ACCSL: variants seen among roughly 807,000 people sequenced by gnomAD.
The protein encoded by ACCSL is 1-aminocyclopropane-1-carboxylate synthase homolog (inactive) like.
A neutral mutation model predicts 61.7 loss-of-function variants in ACCSL; 55 were observed. The observed-to-expected ratio is 0.89, with a 90% CI of 0.72 to 1.12. The LOEUF is 1.12. ACCSL is among the 50% of genes most tolerant of loss of function. The pLI is 0.00. For missense variants in ACCSL, 632 were observed against 698.0 expected (o/e 0.91, Z 1.07); for synonymous variants, 258 against 264.3 (o/e 0.98, Z 0.23).
chr11:43,967,796 C>T, the ACCSL span, among the ~76,000 whole-genome samples: 1 of 152,172 alleles, frequency 6.6e-6, no homozygotes, highest in Non-Finnish European at 1.5e-5. Flanking sequence ...TCATGCCCAG[C>T]TATTGGTAGA....
the ACCSL span, among the ~76,000 whole-genome samples, chr11:43,974,661 C>T: frequency 3.9e-5 from 6 of 152,172 alleles, no homozygotes; most frequent in Admixed American, 6.5e-5. Flanking sequence ...AGTCTGTTCT[C>T]ACAGTGTGCA....
At chr11:43,953,697 C>G in the ACCSL span, among the ~76,000 whole-genome samples, 1 of 152,018 alleles carries the variant, frequency 6.6e-6, no homozygotes, top group East Asian at 1.9e-4. Flanking sequence ...ATGCCATGGC[C>G]ATGTCAGGAA....
At chr11:44,058,291 A>G (rs758799766) in intron 11 of ACCSL, 26 bp from the exon 12 acceptor site, 1 of 1,613,264 alleles carries the variant, frequency 6.2e-7, no homozygotes, top group South Asian at 1.1e-5. Context: ...AATATCTGTG[A>G]CAGTGTTTTT....
At chr11:43,993,267 G>T in the ACCSL span, among the ~76,000 whole-genome samples, 1 of 152,162 alleles carries the variant, frequency 6.6e-6, no homozygotes, top group Non-Finnish European at 1.5e-5. Context: ...CAGGGCAGGG[G>T]CAGGGGTAAC....
chr11:43,934,450 T>G, the ACCSL span, among the ~76,000 whole-genome samples: 1,024 of 152,222 alleles, frequency 6.7e-3, 10 homozygotes, highest in Middle Eastern at 0.024. Flanking sequence ...TTATGCCACA[T>G]TCACATTTGC....
the ACCSL span, among the ~76,000 whole-genome samples, chr11:43,997,670 G>T: frequency 2.6e-5 from 4 of 152,190 alleles, no homozygotes; most frequent in African/African-American, 9.7e-5. Flanking sequence ...TGAGATACAG[G>T]TTTCCTTTTG....
chr11:43,936,887 C>A, the ACCSL span, among the ~76,000 whole-genome samples: 12 of 152,202 alleles, frequency 7.9e-5, no homozygotes, highest in East Asian at 3.9e-4. Flanking sequence ...CCCACCCCCC[C>A]CTCCTGCCCT....
At chr11:44,019,982 C>G in the ACCSL span, among the ~76,000 whole-genome samples, 7 of 152,192 alleles carry the variant, frequency 4.6e-5, no homozygotes, top group African/African-American at 1.7e-4. Flanking sequence ...ATCCACTTGT[C>G]TCAGCATTAT....
intron 7 of ACCSL, 52 bp downstream of exon 7, chr11:44,053,120 T>A: frequency 5.9e-6 from 9 of 1,515,280 alleles, no homozygotes; most frequent in Admixed American, 1.7e-5. Context: ...CTAAAAGGGG[T>A]TTGAGTATTG....
the ACCSL span, among the ~76,000 whole-genome samples, chr11:43,978,814 T>A: frequency 0.017 from 1,479 of 88,852 alleles, 29 homozygotes; most frequent in African/African-American, 0.065. Flanking sequence ...TTTTTTTTTT[T>A]ACCAATAAAA....
intron 3 of ACCSL, among the ~76,000 whole-genome samples, chr11:44,051,111 G>A (rs1024823263): frequency 1.3e-5 from 2 of 152,210 alleles, no homozygotes; most frequent in Non-Finnish European, 2.9e-5. Flanking sequence ...AAAGTGCTGG[G>A]ATTACAGGCA....
chr11:43,974,984 G>A, the ACCSL span, among the ~76,000 whole-genome samples: 1 of 152,170 alleles, frequency 6.6e-6, no homozygotes, highest in African/African-American at 2.4e-5. Context: ...TTGCTATGCA[G>A]CAATAAAGGA....
At chr11:44,034,558 CAAGAGAGA>C in the ACCSL span, among the ~76,000 whole-genome samples, 1 of 43,924 alleles carries the variant, frequency 2.3e-5, no homozygotes, top group African/African-American at 1.1e-4. Context: ...TGGTGGCAAG[CAAGAGAGA>C]GAGAGAGAGA....
chr11:43,950,631 C>G, the ACCSL span, among the ~76,000 whole-genome samples: 5 of 152,214 alleles, frequency 3.3e-5, no homozygotes, highest in African/African-American at 1.2e-4. Flanking sequence ...TATTCTCTTT[C>G]TCCTTCCCAC....
chr11:44,058,227 A>C, intron 11 of ACCSL, 90 bp from the exon 12 acceptor site: 1 of 1,421,068 alleles, frequency 7.0e-7, no homozygotes, highest in African/African-American at 1.4e-5. Context: ...ACAAACTTGC[A>C]TGAAGCCCAG....
the ACCSL span, among the ~76,000 whole-genome samples, chr11:43,935,220 A>G: frequency 6.6e-6 from 1 of 152,288 alleles, no homozygotes; most frequent in Non-Finnish European, 1.5e-5. Flanking sequence ...ATTGGAAGCA[A>G]TGGTTCAAGG....
the ACCSL span, among the ~76,000 whole-genome samples, chr11:43,969,225 G>T: frequency 1.3e-5 from 2 of 151,968 alleles, no homozygotes; most frequent in Non-Finnish European, 1.5e-5. Flanking sequence ...GCCTGGCATG[G>T]TGGCAGGCGC....
the ACCSL span, among the ~76,000 whole-genome samples, chr11:43,952,568 T>C: frequency 2.0e-5 from 3 of 152,200 alleles, no homozygotes; most frequent in Non-Finnish European, 4.4e-5. Flanking sequence ...TCCTGTTCTG[T>C]TCCATTCTGA....
At chr11:44,002,903 TG>T in the ACCSL span, among the ~76,000 whole-genome samples, 5 of 152,086 alleles carry the variant, frequency 3.3e-5, 1 homozygote, top group African/African-American at 1.2e-4. Context: ...TGTCCAGGGC[TG>T]GAGGGGTCTG....
Sources: allele counts gnomAD v4.1 joint callset (sites outside exome capture counted in the v4.1 genomes callset), GRCh38; gene constraint gnomAD v4.1.1; transcripts MANE v1.5; gene names NCBI Gene and HGNC (gene_info 2026-07-23, HGNC 2026-07-21).